Variants in GATM observed in about 807,000 individuals in gnomAD.
GATM encodes the protein glycine amidinotransferase, mitochondrial.
A neutral mutation model predicts 54.2 loss-of-function variants in GATM; 23 were observed. That is an observed-to-expected ratio of 0.42 (90% confidence interval 0.31 to 0.60). The LOEUF (loss-of-function observed/expected upper bound fraction) is 0.60, where lower values mean the gene tolerates loss of function less well. Among genes scored for constraint, GATM ranks in the 20% least tolerant of loss-of-function variants. GATM has a pLI of 0.14. For missense variants in GATM, 401 were observed against 544.9 expected (o/e 0.74, Z 2.63); for synonymous variants, 168 against 183.1 (o/e 0.92, Z 0.67).
intron 6 of GATM, among the ~76,000 whole-genome samples, chr15:45,365,495 C>A (rs537705897): frequency 8.5e-4 from 130 of 152,274 alleles, no homozygotes; most frequent in African/African-American, 2.9e-3. Flanking sequence ...TGTACTGCAG[C>A]CTTGCAAGTA....
chr15:45,386,161 A>G (rs1439223168), intron 3 of GATM, among the ~76,000 whole-genome samples: 1 of 152,238 alleles, frequency 6.6e-6, no homozygotes, highest in African/African-American at 2.4e-5. Flanking sequence ...CACAATATTA[A>G]CTGAAAAATA....
rs1418050096 is a variant in GATM, at chr15:45,402,208, C to A, written c.-799G>T. ...CATCTCGGGAAAGCTCTGGGTTAGG[C>A]AACTCGATTTCACGAAAGCGGACAC... On this transcript the variant is annotated 5_prime_UTR_variant, in exon 1 of 5. Coordinates refer to the GATM transcript ENST00000561148. The A allele has an allele frequency of 2.3e-5, 14 of 609,694 alleles. No individual in the cohort carries two copies. The East Asian group carries it at 4.0e-4, about 18-fold the overall frequency. 37.8% of individuals were successfully genotyped at this position (609,694 alleles called of 1,614,324 possible).
chr15:45,364,357 C>T (rs896520787), intron 7 of GATM: 21 of 324,030 alleles, frequency 6.5e-5, no homozygotes, highest in African/African-American at 3.4e-4. Context: ...CACAGCAAGA[C>T]ATCATCTCTA....
chr15:45,377,199 C>T (rs200251959), intron 1 of GATM: 4 of 473,318 alleles, frequency 8.5e-6, no homozygotes, highest in Non-Finnish European at 1.7e-5. Context: ...TGCTCTAAAA[C>T]TTCCCGCCAG....
upstream of GATM, chr15:45,380,359 A>G (rs927219083): frequency 6.6e-6 from 1 of 152,086 alleles, no homozygotes; most frequent in Non-Finnish European, 1.5e-5. Context: ...TCATAACTTA[A>G]TTCTGCCACT....
chr15:45,367,398 C>A (rs1299762695), intron 4 of GATM, among the ~76,000 whole-genome samples: 1 of 151,194 alleles, frequency 6.6e-6, no homozygotes, highest in African/African-American at 2.4e-5. Flanking sequence ...ATTCCATGAA[C>A]CGTACGGAAA....
chr15:45,366,451 C>T lies in GATM; in HGVS notation c.733G>A (p.Val245Met). 6.2e-7 allele frequency: 1 copy of T among 1,614,160 alleles called. No homozygotes were observed. The highest frequency in any genetic ancestry group is 8.5e-7 in the Non-Finnish European group (1 of 1,180,016). ...AAGCATGGCTCAAACTCAGTTGTCA[C>T]AAATTTTCCCTGAGCAGCCAATTTG... ...RHKLAAQGKFVTTEFEPCFDA... is the reference protein window; with the variant it reads ...RHKLAAQGKFMTTEFEPCFDA... Residue 245 changes from valine to methionine, a missense_variant, in exon 5 of 9, where the codon GTG (valine) becomes ATG (methionine). By Grantham distance (21) the Val-to-Met change is conservative (BLOSUM62 1). Coordinates refer to ENST00000396659, the MANE Select transcript of GATM (RefSeq NM_001482.3).
At chr15:45,366,938 G>T (rs1253644141) in intron 4 of GATM, among the ~76,000 whole-genome samples, 4 of 152,246 alleles carry the variant, frequency 2.6e-5, no homozygotes, top group East Asian at 1.9e-4. Context: ...TTTATCATAG[G>T]TATGTATATA....
chr15:45,394,262 G>A (rs2140681068), intron 3 of GATM, among the ~76,000 whole-genome samples: 2 of 152,256 alleles, frequency 1.3e-5, no homozygotes, highest in Middle Eastern at 3.4e-3. Context: ...GAGGATCTAG[G>A]TTGTGCGTTC....
At chr15:45,382,083 G>A, upstream of GATM, among the ~76,000 whole-genome samples, 1 of 152,158 alleles carries the variant, frequency 6.6e-6, no homozygotes, top group South Asian at 2.1e-4. Context: ...TATCAACATG[G>A]AGTTTTTAAA....
Position 45,368,595 on chromosome 15 carries a change from G to T in GATM, c.485-335C>A, listed in dbSNP as rs145343315. Among the ~76,000 whole-genome samples, 2 of 152,100 alleles carry T rather than the reference G, an allele frequency of 1.3e-5. No homozygotes were observed. Among genetic ancestry groups the T allele is most frequent in the East Asian group, 3.9e-4 (2 of 5,186 alleles). ...CCACCACACTCCAGCCTGGGCGACAGAGTGAGACTCTGTCTCAAACAAACA... is the reference window on the plus strand; with the variant it reads ...CCACCACACTCCAGCCTGGGCGACATAGTGAGACTCTGTCTCAAACAAACA... On this transcript the variant is annotated intron_variant, in intron 3 of 8. Coordinates refer to ENST00000396659, the MANE Select transcript of GATM (RefSeq NM_001482.3). This position sits in a 1 kb window ranked among gnomAD's most constrained non-coding sequence, Gnocchi z 5.1.
Position 45,368,131 on chromosome 15 carries a change from T to G in GATM, c.614A>C (p.His205Pro), listed in dbSNP as rs1889478297. 6.2e-7 allele frequency: 1 copy of G among 1,613,944 alleles called. No individual in the cohort carries two copies. Among genetic ancestry groups the G allele is most frequent in the Non-Finnish European group, 8.5e-7 (1 of 1,180,012 alleles). Residue 205 changes from histidine to proline, a missense_variant, in exon 4 of 9, where the codon CAC (histidine) becomes CCC (proline). By Grantham distance (77) the His-to-Pro change is moderately conservative. Coordinates refer to ENST00000396659, the MANE Select transcript of GATM (RefSeq NM_001482.3). This position sits in a 1 kb window ranked among gnomAD's most constrained non-coding sequence, Gnocchi z 5.1. ...AGCTGTTGTCCACTTGGCGCCACGG[T>G]GGAAGTAGTCTTTGATAATTGACCT... is the stretch of plus-strand genomic sequence containing the variant. ...AYRSIIKDYF[H>P]RGAKWTTAPK...
Position 45,366,246 on chromosome 15 carries a change from T to A in GATM, c.814-36A>T, listed in dbSNP as rs371320329. 1.9e-6 allele frequency: 3 copies of A among 1,612,964 alleles called. No homozygotes were observed. The African/African-American group carries it at 4.0e-5, about 22-fold the overall frequency. ...AAGAAAGACATACGATCGATAAATA[T>A]TTGGTTCTATGTCTAGAAAACTAAA... On this transcript the variant is annotated intron_variant, in intron 5 of 8. Coordinates refer to ENST00000396659, the MANE Select transcript of GATM (RefSeq NM_001482.3).
upstream of GATM, chr15:45,378,596 G>A (rs776021773): frequency 3.8e-5 from 21 of 552,566 alleles, 1 homozygote; most frequent in South Asian, 5.4e-4. Context: ...CGCCCCGGCC[G>A]CCCCCCGCGG....
At chr15:45,364,961 G>A in intron 6 of GATM, 101 bp from the exon 7 acceptor site, 1 of 960,944 alleles carries the variant, frequency 1.0e-6, no homozygotes, top group Non-Finnish European at 1.6e-6. Context: ...TCTTTGAGAA[G>A]CTGTCTTCTC....
chr15:45,364,674 TCA>T (rs1258504997), intron 7 of GATM, 121 bp downstream of exon 7: 3 of 882,188 alleles, frequency 3.4e-6, no homozygotes, highest in Non-Finnish European at 5.6e-6. Flanking sequence ...AAGCACCACT[TCA>T]CACCTTACTG....
At chr15:45,374,260 A>G (rs889967860) in intron 2 of GATM, among the ~76,000 whole-genome samples, 3 of 152,216 alleles carry the variant, frequency 2.0e-5, no homozygotes, top group African/African-American at 7.2e-5. Context: ...TACTTTTTCC[A>G]CAAGTCCATG....
chr15:45,394,236 T>C (rs60639238), intron 3 of GATM, among the ~76,000 whole-genome samples: 12,057 of 152,180 alleles, frequency 0.079, 1,594 homozygotes, highest in African/African-American at 0.27. Context: ...TACTATATAC[T>C]GTGAACTGGC....
In GATM at chr15:45,369,416, T is replaced by C. The variant is rs767740292; in HGVS notation, c.394A>G (p.Asn132Asp). The change falls in exon 3 of 9, where the codon AAT (asparagine) becomes GAT (aspartate). Residue 132 changes from asparagine to aspartate, a missense_variant. Coordinates refer to ENST00000396659, the MANE Select transcript of GATM (RefSeq NM_001482.3). ...GTCACTCCTTCCGTTTTTAAAATAT[T>C]GCACATTTCTTCAATTTCAGCAACA... ...KAVAEIEEMC[N>D]ILKTEGVTVR... The C allele has an allele frequency of 1.2e-6, 2 of 1,614,174 alleles. No homozygotes were observed. Among genetic ancestry groups the C allele is most frequent in the East Asian group, 2.2e-5 (1 of 44,882 alleles).
Sources: allele counts gnomAD v4.1 joint callset (sites outside exome capture counted in the v4.1 genomes callset), GRCh38; gene constraint gnomAD v4.1.1; non-coding constraint Gnocchi (gnomAD v3.1); transcripts MANE v1.5; gene names NCBI Gene and HGNC (gene_info 2026-07-23, HGNC 2026-07-21).